Variants in PRUNE2 observed in about 807,000 individuals in gnomAD.
The protein encoded by PRUNE2 is prune homolog 2 with BCH domain, also known as protein prune homolog 2.
Under a neutral mutation model 252.0 loss-of-function variants are expected in PRUNE2, and 164 were observed. The observed-to-expected ratio is 0.65, with a 90% CI of 0.57 to 0.74. The LOEUF (loss-of-function observed/expected upper bound fraction) is 0.74, where lower values mean the gene tolerates loss of function less well. Ranked by LOEUF, PRUNE2 falls within the 30% of genes least tolerant of loss-of-function variation. The pLI is 0.00. For missense variants in PRUNE2, 3,495 were observed against 3,711.0 expected (o/e 0.94, Z 1.51); for synonymous variants, 1,292 against 1,350.2 (o/e 0.96, Z 0.94).
chr9:76,695,248 G>A (rs1002576494), intron 9 of PRUNE2, among the ~76,000 whole-genome samples: 8 of 149,848 alleles, frequency 5.3e-5, no homozygotes, highest in African/African-American at 1.9e-4. Flanking sequence ...ATGTTGGTCA[G>A]GCTGGTCTCG....
chr9:76,811,339 A>G (rs1413790906), intron 6 of PRUNE2, among the ~76,000 whole-genome samples: 2 of 152,230 alleles, frequency 1.3e-5, no homozygotes, highest in African/African-American at 4.8e-5. Context: ...GTAAAAAGCT[A>G]CGTCTTAATT....
At chr9:76,904,582 T>C (rs2063371019) in intron 1 of PRUNE2, among the ~76,000 whole-genome samples, 1 of 152,182 alleles carries the variant, frequency 6.6e-6, no homozygotes, top group Admixed American at 6.5e-5. Flanking sequence ...ACTTATACTA[T>C]CAGAAATGCC....
intron 6 of PRUNE2, among the ~76,000 whole-genome samples, chr9:76,729,011 T>G (rs2048346141): frequency 6.6e-6 from 1 of 152,184 alleles, no homozygotes; most frequent in Non-Finnish European, 1.5e-5. Flanking sequence ...TCAGGGACAG[T>G]TTGGAGATTG....
chr9:76,636,360 A>G (rs1375259971), intron 15 of PRUNE2, 111 bp downstream of exon 15: 7 of 678,072 alleles, frequency 1.0e-5, no homozygotes, highest in Non-Finnish European at 1.8e-5. Context: ...ACAGAGACAA[A>G]TATATTTCCC....
intron 6 of PRUNE2, among the ~76,000 whole-genome samples, chr9:76,801,486 C>CT (rs1356683841): frequency 4.0e-5 from 6 of 151,098 alleles, no homozygotes; most frequent in African/African-American, 7.3e-5. Flanking sequence ...TCTACTGGGC[C>CT]TTTTTTTTGA....
intron 9 of PRUNE2, among the ~76,000 whole-genome samples, chr9:76,666,222 T>C (rs2040130138): frequency 1.3e-5 from 2 of 152,074 alleles, no homozygotes; most frequent in Non-Finnish European, 1.5e-5. Flanking sequence ...AGCGGTAGTG[T>C]CAGTGCCAAG....
chr9:76,762,606 C>T (rs561841669), intron 6 of PRUNE2, among the ~76,000 whole-genome samples: 1 of 152,292 alleles, frequency 6.6e-6, no homozygotes, highest in Admixed American at 6.5e-5. Flanking sequence ...TCAAACTCTC[C>T]AAACTCTCCA....
intron 6 of PRUNE2, among the ~76,000 whole-genome samples, chr9:76,729,007 A>T (rs1192034770): frequency 2.6e-5 from 4 of 152,218 alleles, no homozygotes; most frequent in East Asian, 1.9e-4. Flanking sequence ...ATTTTCAGGG[A>T]CAGTTTGGAG....
chr9:76,806,084 A>G (rs2056912411), intron 6 of PRUNE2, among the ~76,000 whole-genome samples: 1 of 152,164 alleles, frequency 6.6e-6, no homozygotes, highest in South Asian at 2.1e-4. Flanking sequence ...AACTCTCTCT[A>G]AACCAGTGGT....
chr9:76,652,359 G>T, intron 11 of PRUNE2, 124 bp downstream of exon 11: 1 of 722,494 alleles, frequency 1.4e-6, no homozygotes, highest in Non-Finnish European at 2.4e-6. Flanking sequence ...CCTATAACCT[G>T]AAATAAAAAC....
In PRUNE2 at chr9:76,851,994, C is replaced by T. The variant is rs1564439577; in HGVS notation, c.142-1329G>A. 8.5e-5 allele frequency among the ~76,000 whole-genome samples: 13 copies of T among 152,208 alleles called. 1 individual carries two copies. The highest frequency in any genetic ancestry group is 7.9e-4 in the Admixed American group (12 of 15,286). On this transcript the variant is annotated intron_variant, in intron 2 of 18. Coordinates refer to ENST00000376718, the MANE Select transcript of PRUNE2 (RefSeq NM_015225.3). ...AACATAAATGGCCTTTACTCTCACACCATCACCAGCTTGTCACAGTTTTAA... is the reference window on the plus strand; with the variant it reads ...AACATAAATGGCCTTTACTCTCACATCATCACCAGCTTGTCACAGTTTTAA...
chr9:76,661,940 C>T (rs1851610580), intron 9 of PRUNE2, among the ~76,000 whole-genome samples: 1 of 151,500 alleles, frequency 6.6e-6, no homozygotes, highest in South Asian at 2.1e-4. Flanking sequence ...CAAAAGTCAA[C>T]ATCACATGTA....
At chr9:76,715,359 T>A (rs563323321) in intron 6 of PRUNE2, among the ~76,000 whole-genome samples, 153 of 152,318 alleles carry the variant, frequency 1.0e-3, no homozygotes, top group African/African-American at 3.6e-3. Flanking sequence ...CACAAGACCC[T>A]GGGTAGGTAG....
At chr9:76,865,320 C>G (rs981599668) in intron 1 of PRUNE2, among the ~76,000 whole-genome samples, 4 of 152,156 alleles carry the variant, frequency 2.6e-5, no homozygotes, top group Non-Finnish European at 5.9e-5. Flanking sequence ...TAGTGAGACC[C>G]TGCCGCTACA....
intron 6 of PRUNE2, among the ~76,000 whole-genome samples, chr9:76,719,654 T>G (rs80187401): frequency 2.8e-5 from 4 of 143,060 alleles, no homozygotes; most frequent in Non-Finnish European, 4.5e-5. Flanking sequence ...TATATGTTCC[T>G]TTTTTTTTTC....
intron 6 of PRUNE2, chr9:76,788,608 G>A (rs550569001): frequency 4.0e-5 from 27 of 679,542 alleles, no homozygotes; most frequent in Non-Finnish European, 7.1e-5. Flanking sequence ...AGCACTTAAA[G>A]CAGTGCTTGA....
intron 18 of PRUNE2, among the ~76,000 whole-genome samples, chr9:76,615,778 T>TTG (rs1829263139): frequency 7.2e-6 from 1 of 139,830 alleles, no homozygotes; most frequent in African/African-American, 2.6e-5. Context: ...GGTTTTTTTT[T>TTG]TTTTTTTTTT....
intron 2 of PRUNE2, among the ~76,000 whole-genome samples, chr9:76,853,559 C>T (rs2060083040): frequency 1.3e-5 from 2 of 152,202 alleles, no homozygotes; most frequent in African/African-American, 4.8e-5. Context: ...GAGATGATCA[C>T]TAACTAAGGA....
chr9:76,767,842 T>C (rs1471761804), intron 6 of PRUNE2, among the ~76,000 whole-genome samples: 1 of 152,198 alleles, frequency 6.6e-6, no homozygotes, highest in Non-Finnish European at 1.5e-5. Context: ...TTTCGGTGTT[T>C]TCAGCATTAC....
Sources: allele counts gnomAD v4.1 joint callset (sites outside exome capture counted in the v4.1 genomes callset), GRCh38; gene constraint gnomAD v4.1.1; transcripts MANE v1.5; gene names NCBI Gene and HGNC (gene_info 2026-07-23, HGNC 2026-07-21).